SNTG1: variants seen among roughly 807,000 people sequenced by gnomAD.
SNTG1 encodes the protein syntrophin gamma 1.
A neutral mutation model predicts 74.7 loss-of-function variants in SNTG1; 39 were observed. The ratio of observed to expected loss-of-function variants is 0.52; its 90% confidence interval spans 0.40 to 0.68. The LOEUF (loss-of-function observed/expected upper bound fraction) is 0.68. Ranked by LOEUF, SNTG1 falls within the 30% of genes least tolerant of loss-of-function variation. SNTG1 has a pLI of 0.00. For missense variants in SNTG1, 685 were observed against 609.5 expected (o/e 1.12, Z -1.30); for synonymous variants, 254 against 217.1 (o/e 1.17, Z -1.49).
chr8:50,559,927 G>C (rs1266764092), intron 12 of SNTG1, among the ~76,000 whole-genome samples: 1 of 152,164 alleles, frequency 6.6e-6, no homozygotes, highest in African/African-American at 2.4e-5. Flanking sequence ...TATCCTCAGA[G>C]TGAACAGACA....
intron 1 of SNTG1, among the ~76,000 whole-genome samples, chr8:50,162,257 G>C (rs1262902260): frequency 6.6e-6 from 1 of 152,064 alleles, no homozygotes; most frequent in African/African-American, 2.4e-5. Context: ...GAACCCTGCG[G>C]CCTGCTGGCT....
chr8:49,932,485 T>A (rs1428338507), intron 1 of SNTG1, among the ~76,000 whole-genome samples: 1 of 152,074 alleles, frequency 6.6e-6, no homozygotes, highest in Non-Finnish European at 1.5e-5. Context: ...TCATTATTAA[T>A]GTCCAGTGTC....
chr8:50,304,442 T>TATATTCTTTTGAATATACTATATC (rs2089788427), intron 2 of SNTG1, among the ~76,000 whole-genome samples: 1 of 152,170 alleles, frequency 6.6e-6, no homozygotes, highest in African/African-American at 2.4e-5. Context: ...AATTAATAAT[T>TATATTCTTTTGAATATACTATATC]TTTTGGATTA....
At position 50,796,248 on chromosome 8, in the gene SNTG1, C is replaced by A. The variant is rs1325222572; in HGVS notation, c.*3419C>A. ...TTAAAAGCACAAGGATGATCTTGTG[C>A]TTAACTTTTTAAGGTAAGTGTAGAT... On this transcript the variant is annotated 3_prime_UTR_variant, in exon 19 of 19. Transcript: ENST00000642720. 1 of 151,976 alleles carries A rather than the reference C, an allele frequency of 6.6e-6. No homozygotes were observed. The highest frequency in any genetic ancestry group is 1.5e-5 in the Non-Finnish European group (1 of 67,934). 9.4% of individuals were successfully genotyped at this position (151,976 alleles called of 1,614,324 possible).
At chr8:49,917,543 T>G (rs2129339356) in intron 1 of SNTG1, among the ~76,000 whole-genome samples, 1 of 152,270 alleles carries the variant, frequency 6.6e-6, no homozygotes, top group African/African-American at 2.4e-5. Flanking sequence ...GCTAGTACAT[T>G]GACCGGGATT....
At chr8:50,303,951 A>G (rs1174805452) in intron 2 of SNTG1, among the ~76,000 whole-genome samples, 1 of 152,134 alleles carries the variant, frequency 6.6e-6, no homozygotes, top group Non-Finnish European at 1.5e-5. Flanking sequence ...AATGCTGCAA[A>G]TCACACAATA....
chr8:50,312,742 G>T (rs995458865), intron 2 of SNTG1, among the ~76,000 whole-genome samples: 1 of 149,802 alleles, frequency 6.7e-6, no homozygotes, highest in African/African-American at 2.5e-5. Context: ...TGCCTTCCAG[G>T]ATTATTGTGA....
intron 18 of SNTG1, among the ~76,000 whole-genome samples, chr8:50,756,655 G>C (rs540633204): frequency 6.6e-6 from 1 of 151,772 alleles, no homozygotes; most frequent in Admixed American, 6.6e-5. Flanking sequence ...ACATCATGCT[G>C]TCTTGATGAC....
intron 2 of SNTG1, among the ~76,000 whole-genome samples, chr8:50,225,925 G>A (rs2085305707): frequency 6.6e-6 from 1 of 152,066 alleles, no homozygotes; most frequent in South Asian, 2.1e-4. Flanking sequence ...ACTGGCAGCT[G>A]AAAATATTTT....
chr8:50,241,289 T>C (rs550015193), intron 2 of SNTG1, among the ~76,000 whole-genome samples: 1 of 152,310 alleles, frequency 6.6e-6, no homozygotes, highest in African/African-American at 2.4e-5. Flanking sequence ...GTCAAATATA[T>C]AGAAAGAAGA....
chr8:50,439,458 A>G lies in SNTG1; in HGVS notation c.219+859A>G, dbSNP rs1429796746. The stretch of plus-strand genomic sequence containing the variant: ...AAGCAGAACTCTAAATTTTGTGAAC[A>G]TCAGCTCTAGTTGACTTTGTGAAAA... On this transcript the variant is annotated intron_variant, in intron 5 of 18. Coordinates refer to ENST00000642720, the MANE Select transcript of SNTG1 (RefSeq NM_018967.5). Among the ~76,000 whole-genome samples the G allele has an allele frequency of 2.0e-5, 3 of 152,068 alleles. No homozygotes were observed. In the East Asian group the frequency reaches 5.8e-4, roughly 29 times the overall value.
chr8:50,100,034 G>A (rs1281650467), intron 1 of SNTG1, among the ~76,000 whole-genome samples: 6 of 151,830 alleles, frequency 4.0e-5, no homozygotes, highest in Non-Finnish European at 7.4e-5. Flanking sequence ...AATAGATGAC[G>A]GACAATGCAA....
chr8:50,754,126 T>C (rs1453487631), intron 18 of SNTG1, among the ~76,000 whole-genome samples: 1 of 151,980 alleles, frequency 6.6e-6, no homozygotes, highest in African/African-American at 2.4e-5. Context: ...TAAGCTAACA[T>C]ACCATCACAG....
At chr8:50,196,267 C>A (rs1268954064) in intron 2 of SNTG1, among the ~76,000 whole-genome samples, 2 of 152,016 alleles carry the variant, frequency 1.3e-5, no homozygotes, top group Non-Finnish European at 2.9e-5. Context: ...CCCTGATTTG[C>A]CATTTTATGG....
At chr8:50,402,037 C>T (rs1002227713) in intron 3 of SNTG1, among the ~76,000 whole-genome samples, 173 bp from the exon 4 acceptor site, 1 of 152,152 alleles carries the variant, frequency 6.6e-6, no homozygotes, top group Non-Finnish European at 1.5e-5. Flanking sequence ...TGAGATCATT[C>T]TCCTTTTTTT....
intron 1 of SNTG1, among the ~76,000 whole-genome samples, chr8:50,096,099 A>G (rs1189608400): frequency 6.6e-6 from 1 of 152,136 alleles, no homozygotes; most frequent in Non-Finnish European, 1.5e-5. Context: ...AATCTTTATA[A>G]TGATGTGCAA....
chr8:50,278,574 A>G (rs1051744972), intron 2 of SNTG1, among the ~76,000 whole-genome samples: 7 of 152,164 alleles, frequency 4.6e-5, no homozygotes, highest in African/African-American at 1.4e-4. Flanking sequence ...TAGGTGGCTT[A>G]TTTATCAAAT....
intron 1 of SNTG1, among the ~76,000 whole-genome samples, chr8:50,034,480 C>T (rs1463902971): frequency 2.0e-5 from 3 of 151,692 alleles, no homozygotes; most frequent in Non-Finnish European, 2.9e-5. Context: ...AAGCTAATTC[C>T]TTTGTTTGAA....
At chr8:50,669,334 C>T (rs543785748) in intron 15 of SNTG1, among the ~76,000 whole-genome samples, 62 of 151,780 alleles carry the variant, frequency 4.1e-4, no homozygotes, top group South Asian at 2.9e-3. Context: ...ATCAAATAGA[C>T]GCAATAAAAA....
Sources: gnomAD v4.1 joint callset for allele counts (sites outside exome capture counted in the v4.1 genomes callset) on GRCh38, gnomAD v4.1.1 for gene constraint, MANE v1.5 for transcripts, NCBI Gene and HGNC (gene_info 2026-07-23, HGNC 2026-07-21) for gene names.